Variants in ELMOD1 observed in about 807,000 individuals in gnomAD.
ELMOD1 encodes ELMO domain containing 1, also known as ELMO domain-containing protein 1.
ELMOD1 carries 21 observed loss-of-function variants against 46.7 expected under a neutral mutation model. That is an observed-to-expected ratio of 0.45 (90% CI 0.32 to 0.65). ELMOD1 has a LOEUF of 0.65. Among genes scored for constraint, ELMOD1 ranks in the 30% least tolerant of loss-of-function variants. The pLI is 0.04. For missense variants in ELMOD1, 348 were observed against 407.8 expected, an observed-to-expected ratio of 0.85 and a Z score of 1.26; for synonymous variants, 122 against 138.2, an observed-to-expected ratio of 0.88 and a Z score of 0.82.
At chr11:107,592,442 T>A (rs1565365124) in intron 1 of ELMOD1, 1 of 534,478 alleles carries the variant, frequency 1.9e-6, no homozygotes, top group South Asian at 1.4e-5. Flanking sequence ...AATGTATACG[T>A]TTTGTGCCGG....
rs1866451832 is a variant in ELMOD1 at position 107,647,516 on chromosome 11, A to G, written c.469A>G (p.Lys157Glu). The G allele has an allele frequency of 1.2e-6, 2 of 1,613,492 alleles. No individual in the cohort carries two copies. Among genetic ancestry groups the G allele is most frequent in the Non-Finnish European group, 1.7e-6 (2 of 1,179,720 alleles). The change falls in exon 7 of 12, where the codon AAG becomes GAG. Residue 157 changes from lysine to glutamate, a missense_variant. Lys to Glu is a moderately conservative substitution (Grantham distance 56). Transcript: ENST00000265840. ...PNTPLESRISKQWCEIGFQGD... is the reference protein window; with the variant it reads ...PNTPLESRISEQWCEIGFQGD... The stretch of plus-strand genomic sequence containing the variant: ...TACTCCACTGGAATCTCGGATTTCT[A>G]AGCAGTGGTGTGAAATTGGTTTCCA...
At chr11:107,598,744 G>C (rs1390102375) in intron 1 of ELMOD1, among the ~76,000 whole-genome samples, 1 of 152,196 alleles carries the variant, frequency 6.6e-6, no homozygotes, top group Non-Finnish European at 1.5e-5. Flanking sequence ...GTCTGTGCCT[G>C]GTGGTGGCAG....
chr11:107,617,616 A>G (rs2135673199), intron 1 of ELMOD1, among the ~76,000 whole-genome samples: 1 of 152,346 alleles, frequency 6.6e-6, no homozygotes, highest in African/African-American at 2.4e-5. Flanking sequence ...TCTTTGTAGT[A>G]TCTTGCGCTT....
At chr11:107,660,053 G>A (rs1181800052) in intron 11 of ELMOD1, among the ~76,000 whole-genome samples, 1 of 152,108 alleles carries the variant, frequency 6.6e-6, no homozygotes, top group Non-Finnish European at 1.5e-5. Flanking sequence ...GGTGTATGTA[G>A]GCAGAGGGGC....
chr11:107,652,477 A>C (rs1433701107), intron 9 of ELMOD1, among the ~76,000 whole-genome samples: 3 of 152,230 alleles, frequency 2.0e-5, no homozygotes, highest in African/African-American at 7.2e-5. Context: ...ATAAGTATCA[A>C]ATAAGTAGAG....
intron 11 of ELMOD1, among the ~76,000 whole-genome samples, chr11:107,658,103 A>C (rs1290421015): frequency 1.3e-5 from 2 of 152,162 alleles, no homozygotes; most frequent in Non-Finnish European, 2.9e-5. Context: ...TAGAGAAAAA[A>C]ATTTTTTAAT....
At chr11:107,625,536 C>T in intron 2 of ELMOD1, 1 of 985,360 alleles carries the variant, frequency 1.0e-6, no homozygotes, top group Non-Finnish European at 1.2e-6. Flanking sequence ...ATTACAGGTA[C>T]CCACACCCCC....
At chr11:107,633,040 G>T (rs1387036046) in intron 5 of ELMOD1, among the ~76,000 whole-genome samples, 1 of 152,056 alleles carries the variant, frequency 6.6e-6, no homozygotes, top group East Asian at 1.9e-4. Context: ...TTACCTTCAG[G>T]CTATGTGTAT....
chr11:107,654,626 G>A (rs929811280), intron 10 of ELMOD1, among the ~76,000 whole-genome samples: 5 of 152,126 alleles, frequency 3.3e-5, no homozygotes, highest in South Asian at 2.1e-4. Context: ...AAAATTAGCC[G>A]GGCGTGTTGG....
chr11:107,651,972 C>T lies in ELMOD1; in HGVS notation c.647+1064C>T, dbSNP rs549693378. 4.0e-4 allele frequency among the ~76,000 whole-genome samples: 61 copies of T among 152,302 alleles called. 1 individual carries two copies. Among genetic ancestry groups the T allele is most frequent in the Admixed American group, 3.1e-3 (48 of 15,298 alleles). On this transcript the variant is annotated intron_variant, in intron 9 of 11. Coordinates refer to ENST00000265840, the MANE Select transcript of ELMOD1 (RefSeq NM_018712.4). ...AGTATTTTGAGGTTTGGGGTGACTA[C>T]TCTTACTTAAAAAGAGACTAGCATT... is the stretch of plus-strand genomic sequence containing the variant.
chr11:107,643,768 T>C (rs902805416), intron 6 of ELMOD1: 2 of 458,506 alleles, frequency 4.4e-6, no homozygotes, highest in African/African-American at 2.0e-5. Context: ...CTGTTGCGTA[T>C]ACTGCTGAAC....
At chr11:107,600,570 A>G (rs1046540705) in intron 1 of ELMOD1, 2 of 152,376 alleles carry the variant, frequency 1.3e-5, no homozygotes, top group East Asian at 1.9e-4. Flanking sequence ...CAGAAAAGCC[A>G]TATCTGACCC....
intron 11 of ELMOD1, among the ~76,000 whole-genome samples, chr11:107,660,849 A>G (rs1172049748): frequency 1.3e-5 from 2 of 152,200 alleles, no homozygotes; most frequent in Admixed American, 6.5e-5. Context: ...ATCAGCTGCA[A>G]TTATACTCCT....
intron 10 of ELMOD1, among the ~76,000 whole-genome samples, chr11:107,654,589 G>A (rs1191127685): frequency 6.6e-6 from 1 of 152,050 alleles, no homozygotes; most frequent in Non-Finnish European, 1.5e-5. Context: ...CTAACACGGT[G>A]AAACCCCGTC....
chr11:107,631,968 A>G (rs753998698), intron 5 of ELMOD1, among the ~76,000 whole-genome samples: 4 of 152,208 alleles, frequency 2.6e-5, no homozygotes, highest in African/African-American at 7.2e-5. Context: ...CAATCACTCT[A>G]TCTGATGCCT....
chr11:107,612,553 T>C (rs1293705215), intron 1 of ELMOD1, among the ~76,000 whole-genome samples: 1 of 152,228 alleles, frequency 6.6e-6, no homozygotes, highest in Admixed American at 6.5e-5. Flanking sequence ...GCTTAGGTCC[T>C]GCTGAACCAC....
chr11:107,599,779 A>AG (rs1565368312), intron 1 of ELMOD1, among the ~76,000 whole-genome samples: 1 of 150,248 alleles, frequency 6.7e-6, no homozygotes, highest in Admixed American at 6.6e-5. Context: ...AAAAAAAAAA[A>AG]CTGTATCCTA....
intron 11 of ELMOD1, among the ~76,000 whole-genome samples, chr11:107,661,877 T>G (rs991580429): frequency 1.3e-5 from 2 of 152,168 alleles, no homozygotes; most frequent in Non-Finnish European, 2.9e-5. Context: ...GTGATTGAAT[T>G]CTTTTGGTTG....
Position 107,644,076 on chromosome 11 carries a change from C to T in ELMOD1, c.421-3392C>T, listed in dbSNP as rs1866374029. ...TCACTTGAGGTCAGGAGTTTGACAC[C>T]AGCCTGGCCAACATGGCGAAACCCT... is the stretch of plus-strand genomic sequence containing the variant. On this transcript the variant is annotated intron_variant, in intron 6 of 11. Transcript: ENST00000265840. Among the ~76,000 whole-genome samples the T allele has an allele frequency of 2.0e-5, 3 of 151,998 alleles. 1 individual carries two copies. The South Asian group carries it at 6.2e-4, about 32-fold the overall frequency.
Sources: gnomAD v4.1 joint callset for allele counts (sites outside exome capture counted in the v4.1 genomes callset) on GRCh38, gnomAD v4.1.1 for gene constraint, MANE v1.5 for transcripts, NCBI Gene and HGNC (gene_info 2026-07-23, HGNC 2026-07-21) for gene names.